STXBP5L: variants seen among roughly 807,000 people sequenced by gnomAD.
The protein encoded by STXBP5L is syntaxin-binding protein 5-like.
A neutral mutation model predicts 144.5 loss-of-function variants in STXBP5L; 65 were observed. The ratio of observed to expected loss-of-function variants is 0.45; its 90% CI spans 0.37 to 0.55. STXBP5L has a LOEUF of 0.55. STXBP5L is among the 20% of genes least tolerant of loss of function. The pLI is 0.00. For synonymous variants in STXBP5L, 505 were observed against 469.6 expected (o/e 1.08, Z -0.97); for missense variants, 1,298 against 1,405.5 (o/e 0.92, Z 1.22).
chr3:120,961,818 T>G (rs1203215890), intron 3 of STXBP5L, among the ~76,000 whole-genome samples: 1 of 152,228 alleles, frequency 6.6e-6, no homozygotes, highest in African/African-American at 2.4e-5. Flanking sequence ...CAAAAGGTAC[T>G]TGTAGTTCTA....
intron 3 of STXBP5L, among the ~76,000 whole-genome samples, chr3:120,993,148 T>C (rs1181422429): frequency 6.8e-6 from 1 of 146,204 alleles, no homozygotes. Context: ...AATGGGATTA[T>C]TTATTTGTTT....
intron 20 of STXBP5L, among the ~76,000 whole-genome samples, chr3:121,374,734 A>T (rs1035382908): frequency 2.0e-5 from 3 of 152,088 alleles, no homozygotes; most frequent in African/African-American, 7.2e-5. Flanking sequence ...ACTTGAAGCC[A>T]GGTCTTTTGA....
intron 3 of STXBP5L, among the ~76,000 whole-genome samples, chr3:120,983,710 A>C (rs993338672): frequency 6.6e-6 from 1 of 151,888 alleles, no homozygotes; most frequent in Non-Finnish European, 1.5e-5. Context: ...GGGGTCTCTC[A>C]CTCACCTTTT....
At chr3:121,159,633 T>C (rs1217789617) in intron 9 of STXBP5L, among the ~76,000 whole-genome samples, 1 of 148,622 alleles carries the variant, frequency 6.7e-6, no homozygotes, top group Admixed American at 6.7e-5. Context: ...TTTTCTTTTT[T>C]TTTTTTTTTT....
At chr3:121,250,878 G>C in intron 15 of STXBP5L, 115 bp downstream of exon 15, 4 of 822,930 alleles carry the variant, frequency 4.9e-6, no homozygotes, top group Non-Finnish European at 7.7e-6. Flanking sequence ...GCACACATAT[G>C]TGGCTGTGTT....
chr3:121,186,251 A>T (rs1177979424), intron 9 of STXBP5L, among the ~76,000 whole-genome samples: 1 of 152,192 alleles, frequency 6.6e-6, no homozygotes. Context: ...AAACAGGGAC[A>T]ATTTGACTTC....
At chr3:120,989,703 G>C (rs1256539603) in intron 3 of STXBP5L, among the ~76,000 whole-genome samples, 1 of 152,114 alleles carries the variant, frequency 6.6e-6, no homozygotes, top group Non-Finnish European at 1.5e-5. Flanking sequence ...TTTTGAGGCT[G>C]TGTGGTTTGG....
chr3:121,286,131 T>C (rs2051223962), intron 19 of STXBP5L, among the ~76,000 whole-genome samples: 1 of 152,176 alleles, frequency 6.6e-6, no homozygotes, highest in African/African-American at 2.4e-5. Context: ...TGTGCATCAA[T>C]TTCTAGTTAT....
chr3:120,969,668 C>G (rs893440915), intron 3 of STXBP5L, among the ~76,000 whole-genome samples: 1 of 151,812 alleles, frequency 6.6e-6, no homozygotes, highest in African/African-American at 2.4e-5. Context: ...GAATTTTTAT[C>G]GTTTCAGGTC....
chr3:120,991,531 T>C (rs888580424), intron 3 of STXBP5L, among the ~76,000 whole-genome samples: 19 of 152,324 alleles, frequency 1.2e-4, no homozygotes, highest in East Asian at 1.2e-3. Context: ...CACATGCACA[T>C]GTATGTTTAT....
intron 3 of STXBP5L, among the ~76,000 whole-genome samples, chr3:121,037,963 GT>G (rs1215593500): frequency 6.6e-6 from 1 of 151,768 alleles, no homozygotes; most frequent in Non-Finnish European, 1.5e-5. Flanking sequence ...ATATTTGTTT[GT>G]TGTCTTTTTA....
In STXBP5L at chr3:121,024,411, G is replaced by A. The variant is rs546525864; in HGVS notation, c.288-17289G>A. Among the ~76,000 whole-genome samples, 4 of 152,100 alleles carry A rather than the reference G, an allele frequency of 2.6e-5. No individual in the cohort carries two copies. The South Asian group carries it at 8.3e-4, about 32-fold the overall frequency. On this transcript the variant is annotated intron_variant, in intron 3 of 26. Coordinates refer to ENST00000471454, the MANE Select transcript of STXBP5L (RefSeq NM_001308330.2). ...CTACCACTAAGGTAAAATCTTTTTG[G>A]GGTTACTACTGAATGCCTCTGGTTG...
Position 121,031,060 on chromosome 3 carries a change from T to C in STXBP5L, c.288-10640T>C, listed in dbSNP as rs116134807. Among the ~76,000 whole-genome samples, 1,238 of 152,174 alleles carry C rather than the reference T, an allele frequency of 8.1e-3. 22 individuals are homozygous for C. The highest frequency in any genetic ancestry group is 0.028 in the African/African-American group (1,157 of 41,532). Reference sequence around the variant, plus strand: ...CTTCTCCCACTGTATCTTTATTGCATGTGAGAATTACTCAGAGAAGGAAAA... The same window carrying C: ...CTTCTCCCACTGTATCTTTATTGCACGTGAGAATTACTCAGAGAAGGAAAA... On this transcript the variant is annotated intron_variant, in intron 3 of 26. Transcript: ENST00000471454.
chr3:121,132,211 G>A (rs1432390510), intron 7 of STXBP5L, among the ~76,000 whole-genome samples: 1 of 152,158 alleles, frequency 6.6e-6, no homozygotes, highest in South Asian at 2.1e-4. Context: ...TAGCACAGAG[G>A]ACAGATGAAA....
chr3:121,351,342 G>A (rs370624701), intron 20 of STXBP5L, among the ~76,000 whole-genome samples: 10 of 152,114 alleles, frequency 6.6e-5, no homozygotes, highest in African/African-American at 2.4e-4. Context: ...AGGAGTACCC[G>A]GCCGTGTCAG....
intron 20 of STXBP5L, among the ~76,000 whole-genome samples, chr3:121,374,482 G>C (rs1281665848): frequency 6.6e-6 from 1 of 152,036 alleles, no homozygotes; most frequent in Non-Finnish European, 1.5e-5. Context: ...TCTATGAAAT[G>C]CCTGAAAAGG....
At chr3:121,090,688 G>T (rs988117995) in intron 5 of STXBP5L, among the ~76,000 whole-genome samples, 4 of 151,978 alleles carry the variant, frequency 2.6e-5, no homozygotes, top group African/African-American at 9.7e-5. Flanking sequence ...TCATTTATTT[G>T]TACTAATAAC....
At chr3:121,122,768 G>A (rs1194337898) in intron 7 of STXBP5L, among the ~76,000 whole-genome samples, 1 of 151,374 alleles carries the variant, frequency 6.6e-6, no homozygotes, top group Non-Finnish European at 1.5e-5. Context: ...TGTAGGATAG[G>A]GTTGTTAGTT....
At chr3:121,203,639 G>A (rs916616149) in intron 9 of STXBP5L, among the ~76,000 whole-genome samples, 1 of 151,900 alleles carries the variant, frequency 6.6e-6, no homozygotes, top group Non-Finnish European at 1.5e-5. Flanking sequence ...AGAATAAATT[G>A]GTAGAGTTGG....
Sources: allele counts gnomAD v4.1 joint callset (sites outside exome capture counted in the v4.1 genomes callset), GRCh38; gene constraint gnomAD v4.1.1; transcripts MANE v1.5; gene names NCBI Gene and HGNC (gene_info 2026-07-23, HGNC 2026-07-21).